The following CCDC102B variants were observed in gnomAD, a reference collection of about 807,000 sequenced individuals.
CCDC102B encodes coiled-coil domain containing 102B.
A neutral mutation model predicts 57.4 loss-of-function variants in CCDC102B; 75 were observed. The observed-to-expected ratio is 1.31, with a 90% CI of 1.08 to 1.58. CCDC102B has a LOEUF of 1.58. Among genes scored for constraint, CCDC102B ranks in the 40% most tolerant of loss-of-function variants. The pLI is 0.00. For missense variants in CCDC102B, 636 were observed against 582.6 expected, an observed-to-expected ratio of 1.09 and a Z score of -0.94; for synonymous variants, 206 against 201.9, an observed-to-expected ratio of 1.02 and a Z score of -0.17.
At chr18:68,763,784 G>GACAAATATTCCTCAATACAGA (rs1599425588) in intron 2 of CCDC102B, among the ~76,000 whole-genome samples, 12 of 148,160 alleles carry the variant, frequency 8.1e-5, no homozygotes, top group African/African-American at 2.7e-4. Flanking sequence ...CCTCAATACA[G>GACAAATATTCCTCAATACAGA]CAGTAGAACC....
chr18:68,758,703 CT>C (rs201701357), intron 2 of CCDC102B, among the ~76,000 whole-genome samples: 177 of 142,706 alleles, frequency 1.2e-3, no homozygotes, highest in Middle Eastern at 7.1e-3. Context: ...CTAGTCATTC[CT>C]TTTTTTTTTT....
chr18:68,716,618 T>G (rs570532165), intron 2 of CCDC102B: 1 of 152,340 alleles, frequency 6.6e-6, no homozygotes, highest in Non-Finnish European at 1.5e-5. Context: ...CTTTTTCAAC[T>G]GTAAATTTTA....
intron 6 of CCDC102B, among the ~76,000 whole-genome samples, chr18:68,940,658 A>G (rs958065259): frequency 2.0e-5 from 3 of 151,738 alleles, no homozygotes; most frequent in Admixed American, 6.6e-5. Flanking sequence ...TCCTTTAGAT[A>G]TATGAAAAAG....
chr18:68,759,624 CA>C, intron 2 of CCDC102B, among the ~76,000 whole-genome samples: 1 of 152,154 alleles, frequency 6.6e-6, no homozygotes, highest in East Asian at 1.9e-4. Flanking sequence ...AATTGTCAAT[CA>C]GGGGTTTGTA....
intron 7 of CCDC102B, among the ~76,000 whole-genome samples, chr18:69,050,270 G>A (rs11663506): frequency 0.79 from 120,152 of 152,046 alleles, 51,085 homozygotes; most frequent in Non-Finnish European, 0.95. Flanking sequence ...AGATGCTCAC[G>A]CGTATCACCC....
intron 2 of CCDC102B, among the ~76,000 whole-genome samples, chr18:68,789,468 A>G (rs2035344711): frequency 6.6e-6 from 1 of 152,146 alleles, no homozygotes; most frequent in African/African-American, 2.4e-5. Flanking sequence ...CAGGTACCCC[A>G]ATCAGACGTA....
At chr18:69,040,535 G>C (rs1320135941) in intron 7 of CCDC102B, among the ~76,000 whole-genome samples, 10 of 151,558 alleles carry the variant, frequency 6.6e-5, no homozygotes, top group African/African-American at 2.4e-4. Flanking sequence ...TCAAGCAATA[G>C]GATTATTGAG....
chr18:68,977,346 A>G (rs1308649860), intron 6 of CCDC102B, among the ~76,000 whole-genome samples: 2 of 151,992 alleles, frequency 1.3e-5, no homozygotes, highest in African/African-American at 2.4e-5. Flanking sequence ...TACACATGCT[A>G]TGGTGGTTTG....
chr18:68,997,442 C>T (rs1429213951), intron 6 of CCDC102B, among the ~76,000 whole-genome samples: 1 of 151,910 alleles, frequency 6.6e-6, no homozygotes, highest in Non-Finnish European at 1.5e-5. Context: ...ATGTGCTTAC[C>T]GATAAGTGTT....
intron 7 of CCDC102B, among the ~76,000 whole-genome samples, chr18:69,023,548 A>C (rs1248050816): frequency 6.6e-6 from 1 of 151,650 alleles, no homozygotes; most frequent in Non-Finnish European, 1.5e-5. Context: ...TACTGGTATA[A>C]TTTATTAATG....
At chr18:68,898,916 C>T (rs934491359) in intron 6 of CCDC102B, among the ~76,000 whole-genome samples, 5 of 151,852 alleles carry the variant, frequency 3.3e-5, no homozygotes, top group Non-Finnish European at 5.9e-5. Flanking sequence ...AAATTGAGAC[C>T]TGTTTGGAGC....
chr18:68,776,156 C>T (rs545318843), intron 2 of CCDC102B, among the ~76,000 whole-genome samples: 1 of 152,156 alleles, frequency 6.6e-6, no homozygotes, highest in Non-Finnish European at 1.5e-5. Flanking sequence ...GGAGTGTATT[C>T]TGGGTTTTTC....
At chr18:68,729,900 A>G (rs537971380) in intron 2 of CCDC102B, among the ~76,000 whole-genome samples, 2 of 152,370 alleles carry the variant, frequency 1.3e-5, no homozygotes, top group East Asian at 3.9e-4. Context: ...AAAACATAAG[A>G]AAAATACAAA....
At chr18:68,911,569 G>A (rs12967817) in intron 6 of CCDC102B, among the ~76,000 whole-genome samples, 29 of 150,146 alleles carry the variant, frequency 1.9e-4, no homozygotes, top group East Asian at 1.2e-3. Flanking sequence ...TGGCTAACAC[G>A]GTGAAACCCC....
intron 2 of CCDC102B, among the ~76,000 whole-genome samples, chr18:68,779,346 C>T (rs141484105): frequency 1.3e-4 from 20 of 152,174 alleles, no homozygotes; most frequent in African/African-American, 4.6e-4. Flanking sequence ...TTTCCTTGTA[C>T]CATGTTGCTT....
chr18:68,733,692 A>G (rs1022711325), intron 2 of CCDC102B, among the ~76,000 whole-genome samples: 3 of 152,008 alleles, frequency 2.0e-5, no homozygotes, highest in African/African-American at 7.2e-5. Flanking sequence ...AACTCACAGT[A>G]GCTTACTTAA....
intron 6 of CCDC102B, chr18:68,897,660 C>T (rs1312190959): frequency 2.1e-6 from 3 of 1,443,976 alleles, no homozygotes; most frequent in Non-Finnish European, 2.8e-6. Flanking sequence ...TTCAAGATTT[C>T]CAAAAGGAAG....
At chr18:69,008,140 A>C (rs953899746) in intron 6 of CCDC102B, among the ~76,000 whole-genome samples, 6 of 152,240 alleles carry the variant, frequency 3.9e-5, no homozygotes. Context: ...CTGACAGATC[A>C]AGAAAGATCT....
intron 1 of CCDC102B, among the ~76,000 whole-genome samples, chr18:68,820,403 T>G (rs2036646711): frequency 6.6e-6 from 1 of 152,124 alleles, no homozygotes; most frequent in South Asian, 2.1e-4. Context: ...TGGAGCATAT[T>G]CAACTTCGTG....
Sources: gnomAD v4.1 joint callset for allele counts (sites outside exome capture counted in the v4.1 genomes callset) on GRCh38, gnomAD v4.1.1 for gene constraint, MANE v1.5 for transcripts, NCBI Gene and HGNC (gene_info 2026-07-23, HGNC 2026-07-21) for gene names.